Variants in ATF2 observed in about 807,000 individuals in gnomAD.
ATF2 encodes the protein cyclic AMP-dependent transcription factor ATF-2.
ATF2 carries 24 observed loss-of-function variants against 60.6 expected under a neutral mutation model. The ratio of observed to expected loss-of-function variants is 0.40; its 90% CI spans 0.29 to 0.56. The LOEUF is 0.56. ATF2 is among the 20% of genes least tolerant of loss of function. The pLI, the probability that ATF2 is intolerant of heterozygous loss-of-function variation, is 0.54. For synonymous variants in ATF2, 206 were observed against 215.4 expected, an observed-to-expected ratio of 0.96 and a Z score of 0.38; for missense variants, 433 against 607.7, an observed-to-expected ratio of 0.71 and a Z score of 3.02.
chr2:175,167,689 G>A (rs765222692), intron 1 of ATF2: 14 of 503,428 alleles, frequency 2.8e-5, no homozygotes, highest in African/African-American at 2.7e-4. Context: ...GCGCCCCGAG[G>A]ACCTCTGAAC....
chr2:175,108,713 T>C (rs1404875176), intron 10 of ATF2, among the ~76,000 whole-genome samples: 1 of 152,156 alleles, frequency 6.6e-6, no homozygotes, highest in East Asian at 1.9e-4. Flanking sequence ...ATGATGACGA[T>C]GGCGGTTTTG....
At chr2:175,139,523 T>A (rs1698361455) in intron 2 of ATF2, among the ~76,000 whole-genome samples, 1 of 151,682 alleles carries the variant, frequency 6.6e-6, no homozygotes, top group Non-Finnish European at 1.5e-5. Context: ...AATACAAAAA[T>A]TAGTCGGGTG....
intron 4 of ATF2, among the ~76,000 whole-genome samples, chr2:175,126,120 A>C (rs1262564859): frequency 6.6e-6 from 1 of 152,138 alleles, no homozygotes; most frequent in Non-Finnish European, 1.5e-5. Context: ...TACTCTTATC[A>C]TAGTCTCTAA....
intron 2 of ATF2, among the ~76,000 whole-genome samples, chr2:175,145,785 G>T (rs1043576492): frequency 6.6e-6 from 1 of 152,124 alleles, no homozygotes; most frequent in African/African-American, 2.4e-5. Context: ...TGGCCAGAAA[G>T]TAAGAAAGGA....
chr2:175,102,075 TA>T lies in ATF2; in HGVS notation c.829-4483del, dbSNP rs546026212. On this transcript the variant is annotated intron_variant, in intron 10 of 13. Coordinates refer to ENST00000264110, the MANE Select transcript of ATF2 (RefSeq NM_001880.4). Reference sequence around the variant, plus strand: ...TTGAAGAAGGCCAAATACTTTGGTTTAAAAAAAAAATCAATGAAAACAAATG... The same window carrying T: ...TTGAAGAAGGCCAAATACTTTGGTTTAAAAAAAAATCAATGAAAACAAATG... 2.1e-4 allele frequency among the ~76,000 whole-genome samples: 31 copies of T among 150,122 alleles called. 1 individual carries two copies. Among genetic ancestry groups the T allele is most frequent in the African/African-American group, 2.7e-4 (11 of 40,980 alleles).
chr2:175,098,814 C>T (rs1182286359), intron 10 of ATF2, among the ~76,000 whole-genome samples: 1 of 151,900 alleles, frequency 6.6e-6, no homozygotes, highest in Non-Finnish European at 1.5e-5. Flanking sequence ...TATTTCAAAA[C>T]TTGTAATTTC....
intron 10 of ATF2, 100 bp from the exon 11 acceptor site, chr2:175,097,693 C>G: frequency 2.3e-6 from 3 of 1,297,096 alleles, no homozygotes; most frequent in Non-Finnish European, 2.1e-6. Flanking sequence ...TTCCCTGAGT[C>G]CTTTTGCCTA....
At chr2:175,130,960 C>T (rs566585127) in intron 3 of ATF2, among the ~76,000 whole-genome samples, 13 of 152,204 alleles carry the variant, frequency 8.5e-5, no homozygotes, top group African/African-American at 2.6e-4. Flanking sequence ...TATGCTGTTT[C>T]CTTGTAATGT....
At chr2:175,109,473 A>G (rs1262960032) in intron 10 of ATF2, among the ~76,000 whole-genome samples, 1 of 152,206 alleles carries the variant, frequency 6.6e-6, no homozygotes, top group Non-Finnish European at 1.5e-5. Flanking sequence ...AAAGAGAGAA[A>G]CTTTTATTCT....
At chr2:175,141,544 G>C (rs1698535918) in intron 2 of ATF2, among the ~76,000 whole-genome samples, 1 of 151,944 alleles carries the variant, frequency 6.6e-6, no homozygotes, top group South Asian at 2.1e-4. Context: ...CCAGGCTGGA[G>C]TGCAGTGGCG....
At chr2:175,142,487 T>C (rs1199337668) in intron 2 of ATF2, among the ~76,000 whole-genome samples, 2 of 152,178 alleles carry the variant, frequency 1.3e-5, no homozygotes, top group African/African-American at 4.8e-5. Flanking sequence ...TTTTCTAAGA[T>C]AGTTCCACAT....
intron 1 of ATF2, among the ~76,000 whole-genome samples, chr2:175,162,789 T>C (rs1272953211): frequency 1.3e-5 from 2 of 152,158 alleles, no homozygotes; most frequent in Admixed American, 6.5e-5. Flanking sequence ...AATTATTTGT[T>C]AGTATGGCAA....
chr2:175,123,720 A>G (rs1230931042), intron 4 of ATF2, among the ~76,000 whole-genome samples: 1 of 151,926 alleles, frequency 6.6e-6, no homozygotes, highest in East Asian at 1.9e-4. Context: ...GTATTTATAA[A>G]CTCTCATATA....
intron 4 of ATF2, among the ~76,000 whole-genome samples, chr2:175,128,792 C>A (rs1697529083): frequency 6.6e-6 from 1 of 151,966 alleles, no homozygotes; most frequent in Admixed American, 6.6e-5. Context: ...CTGACAAGGA[C>A]TGGTATCCAG....
At chr2:175,119,861 A>G (rs1431953894) in intron 5 of ATF2, among the ~76,000 whole-genome samples, 1 of 151,728 alleles carries the variant, frequency 6.6e-6, no homozygotes, top group Non-Finnish European at 1.5e-5. Flanking sequence ...ATACATAAGC[A>G]TAAGTCACTT....
At chr2:175,139,483 C>T (rs969522636) in intron 2 of ATF2, among the ~76,000 whole-genome samples, 2 of 151,768 alleles carry the variant, frequency 1.3e-5, no homozygotes, top group African/African-American at 4.8e-5. Context: ...ACCAGCCTGG[C>T]CAACATGGTG....
chr2:175,097,689 G>A (rs1695027442), intron 10 of ATF2, 96 bp from the exon 11 acceptor site: 2 of 1,330,192 alleles, frequency 1.5e-6, no homozygotes, highest in Admixed American at 2.3e-5. Flanking sequence ...TAGTTTCCCT[G>A]AGTCCTTTTG....
chr2:175,124,233 A>G (rs1322123337), intron 4 of ATF2, among the ~76,000 whole-genome samples: 1 of 151,950 alleles, frequency 6.6e-6, no homozygotes, highest in Admixed American at 6.6e-5. Flanking sequence ...TATTTTGTTA[A>G]ACAAGACTAA....
intron 12 of ATF2, among the ~76,000 whole-genome samples, chr2:175,088,868 A>G (rs1246358600): frequency 6.6e-6 from 1 of 152,164 alleles, no homozygotes; most frequent in Non-Finnish European, 1.5e-5. Context: ...CAAAATTAAC[A>G]AAATAGATAT....
Sources: gnomAD v4.1 joint callset for allele counts (sites outside exome capture counted in the v4.1 genomes callset) on GRCh38, gnomAD v4.1.1 for gene constraint, MANE v1.5 for transcripts, NCBI Gene and HGNC (gene_info 2026-07-23, HGNC 2026-07-21) for gene names.